The following NOL4 variants were observed in gnomAD, a reference collection of about 807,000 sequenced individuals.
The protein encoded by NOL4 is nucleolar protein 4.
A neutral mutation model predicts 75.9 loss-of-function variants in NOL4; 17 were observed. The observed-to-expected ratio is 0.22, with a 90% confidence interval of 0.15 to 0.34. The LOEUF is 0.34. Among genes scored for constraint, NOL4 ranks in the 10% least tolerant of loss-of-function variants. NOL4 has a pLI of 1.00. For synonymous variants in NOL4, 292 were observed against 289.9 expected (o/e 1.01, Z -0.07); for missense variants, 614 against 793.5 (o/e 0.77, Z 2.72).
intron 5 of NOL4, among the ~76,000 whole-genome samples, chr18:34,032,796 G>C (rs2075705649): frequency 6.6e-6 from 1 of 152,052 alleles, no homozygotes; most frequent in South Asian, 2.1e-4. Context: ...CACCACTCTG[G>C]GACCCAAGGA....
chr18:33,996,032 AAAT>A (rs1568187436), intron 6 of NOL4, among the ~76,000 whole-genome samples: 1 of 151,888 alleles, frequency 6.6e-6, no homozygotes, highest in Non-Finnish European at 1.5e-5. Flanking sequence ...TGAAGTCTTG[AAAT>A]AGTATCTACT....
intron 10 of NOL4, among the ~76,000 whole-genome samples, chr18:33,873,834 TAAGA>T (rs1163219101): frequency 6.6e-6 from 1 of 151,874 alleles, no homozygotes; most frequent in African/African-American, 2.4e-5. Flanking sequence ...GGTAAAATAA[TAAGA>T]AATACGCTTA....
intron 10 of NOL4, among the ~76,000 whole-genome samples, chr18:33,858,524 T>A (rs1252394010): frequency 1.3e-5 from 2 of 151,988 alleles, no homozygotes; most frequent in Non-Finnish European, 2.9e-5. Context: ...TGACTAAATA[T>A]TTATCAATGG....
Position 34,223,428 on chromosome 18 carries a change from G to T in NOL4, c.-175C>A. On this transcript the variant is annotated 5_prime_UTR_variant, in exon 1 of 11. Transcript: ENST00000261592. The stretch of plus-strand genomic sequence containing the variant: ...GAAGAGGGGAGGAGGGTCCGGTTGG[G>T]CACCAGCAATCAATGCCCCGTGCTA... 1.2e-6 allele frequency: 1 copy of T among 814,840 alleles called. No individual in the cohort carries two copies. The highest frequency in any genetic ancestry group is 1.9e-6 in the Non-Finnish European group (1 of 532,074). The allele number at this position is 814,840 out of a possible 1,614,324, so 50.5% of individuals were successfully genotyped here.
intron 8 of NOL4, among the ~76,000 whole-genome samples, chr18:33,943,535 C>CA (rs1025586317): frequency 1.2e-4 from 18 of 150,586 alleles, no homozygotes; most frequent in Non-Finnish European, 1.9e-4. Context: ...ATGACATGCA[C>CA]AAAAAAAACC....
intron 1 of NOL4, among the ~76,000 whole-genome samples, chr18:34,216,753 T>C (rs894812046): frequency 1.3e-5 from 2 of 151,712 alleles, no homozygotes; most frequent in South Asian, 4.1e-4. Context: ...CAATAATACT[T>C]ATAAAACGGA....
chr18:34,222,989 C>G lies in NOL4; in HGVS notation c.264+1G>C. On this transcript the variant is annotated splice_donor_variant, in intron 1 of 10. Transcript: ENST00000261592. LOFTEE classifies it high-confidence loss of function. ...ATAACAGAGGAAGGCGAGTCACTCA[C>G]CGTGGTCTTGACAGGCACGTAGAGC... 1.2e-6 allele frequency: 2 copies of G among 1,606,116 alleles called. No individual in the cohort carries two copies. The highest frequency in any genetic ancestry group is 1.7e-6 in the Non-Finnish European group (2 of 1,179,794).
Position 33,852,433 on chromosome 18 carries a change from TTC to T in NOL4, c.*407_*408del. ...GCAACAAGAAATTTGGCTTTTTTTT[TTC>T]TTTTTTTTTTTTTTGCCAGGTACTT... On this transcript the variant is annotated 3_prime_UTR_variant, in exon 11 of 11. Transcript: ENST00000261592. 7.0e-6 allele frequency: 1 copy of T among 143,842 alleles called. No homozygotes were observed. Among genetic ancestry groups the T allele is most frequent in the Non-Finnish European group, 1.6e-5 (1 of 64,354 alleles). 8.9% of individuals were successfully genotyped at this position (143,842 alleles called of 1,614,324 possible).
chr18:34,015,382 C>A (rs1212988295), intron 6 of NOL4, among the ~76,000 whole-genome samples: 2 of 151,982 alleles, frequency 1.3e-5, no homozygotes, highest in Non-Finnish European at 2.9e-5. Context: ...CTCTCCTAAC[C>A]AATGTTCAGG....
At chr18:34,000,405 G>T (rs2073615184) in intron 6 of NOL4, among the ~76,000 whole-genome samples, 1 of 148,950 alleles carries the variant, frequency 6.7e-6, no homozygotes, top group African/African-American at 2.6e-5. Context: ...ATTCAACTAT[G>T]AATAAAAACA....
At chr18:34,092,965 G>C (rs2078597351) in intron 5 of NOL4, among the ~76,000 whole-genome samples, 1 of 152,148 alleles carries the variant, frequency 6.6e-6, no homozygotes, top group Non-Finnish European at 1.5e-5. Context: ...GCTGGATAAA[G>C]TAGCTCAAAA....
chr18:34,200,616 G>A (rs1280234853), intron 1 of NOL4, among the ~76,000 whole-genome samples: 1 of 151,524 alleles, frequency 6.6e-6, no homozygotes, highest in African/African-American at 2.4e-5. Context: ...AAACTAAAAA[G>A]TCCCAATGAG....
chr18:33,938,487 G>GA (rs2068223742), intron 9 of NOL4, among the ~76,000 whole-genome samples: 1 of 152,096 alleles, frequency 6.6e-6, no homozygotes. Context: ...ACAGGTGTGA[G>GA]ATGGTATCTC....
chr18:34,197,207 A>G (rs1274587121), intron 1 of NOL4, among the ~76,000 whole-genome samples: 1 of 152,032 alleles, frequency 6.6e-6, no homozygotes. Context: ...AATTAAGAAA[A>G]CAGAAAACTG....
At chr18:34,139,761 T>C (rs2081061936) in intron 1 of NOL4, among the ~76,000 whole-genome samples, 1 of 152,204 alleles carries the variant, frequency 6.6e-6, no homozygotes, top group African/African-American at 2.4e-5. Flanking sequence ...GTTCTTTTAA[T>C]TGTGATGTTA....
At chr18:33,902,850 T>C (rs1232629601) in intron 9 of NOL4, among the ~76,000 whole-genome samples, 1 of 152,190 alleles carries the variant, frequency 6.6e-6, no homozygotes, top group Non-Finnish European at 1.5e-5. Flanking sequence ...TTTTAATTAC[T>C]TGGGCAAACT....
chr18:34,184,183 C>T (rs959214321), intron 1 of NOL4, among the ~76,000 whole-genome samples: 6 of 151,530 alleles, frequency 4.0e-5, no homozygotes, highest in Admixed American at 1.3e-4. Flanking sequence ...AAGCTTCAGC[C>T]GAATTGAAAC....
chr18:34,207,237 CATTGTTTTT>C (rs2036188203), intron 1 of NOL4, among the ~76,000 whole-genome samples: 1 of 152,004 alleles, frequency 6.6e-6, no homozygotes, highest in Admixed American at 6.6e-5. Flanking sequence ...GTTCCCTTTT[CATTGTTTTT>C]ATATGCCAAA....
intron 9 of NOL4, among the ~76,000 whole-genome samples, chr18:33,899,464 CAA>C (rs2144955620): frequency 6.6e-6 from 1 of 152,238 alleles, no homozygotes; most frequent in African/African-American, 2.4e-5. Context: ...TTTGGACTCA[CAA>C]TTTGGGGAAG....
Sources: allele counts gnomAD v4.1 joint callset (sites outside exome capture counted in the v4.1 genomes callset), GRCh38; gene constraint gnomAD v4.1.1; transcripts MANE v1.5; gene names NCBI Gene and HGNC (gene_info 2026-07-23, HGNC 2026-07-21).